GRHL1: variants seen among roughly 807,000 people sequenced by gnomAD.
GRHL1 encodes grainyhead-like protein 1 homolog.
In GRHL1, 38 loss-of-function variants were observed where a neutral mutation model predicts 75.7. The observed-to-expected ratio is 0.50, with a 90% CI of 0.39 to 0.66. The LOEUF (loss-of-function observed/expected upper bound fraction) is 0.66, where lower values mean the gene tolerates loss of function less well. Ranked by LOEUF, GRHL1 falls within the 30% of genes least tolerant of loss-of-function variation. The pLI, the probability that GRHL1 is intolerant of heterozygous loss-of-function variation, is 0.00. For missense variants in GRHL1, 589 were observed against 767.5 expected (o/e 0.77, Z 2.75); for synonymous variants, 266 against 279.4 (o/e 0.95, Z 0.48).
At chr2:9,961,590 A>T (rs1667276796) in intron 4 of GRHL1, among the ~76,000 whole-genome samples, 154 bp downstream of exon 4, 2 of 152,242 alleles carry the variant, frequency 1.3e-5, no homozygotes, top group South Asian at 4.1e-4. Flanking sequence ...CCATGGGTAT[A>T]ATTTGTAAAC....
At chr2:9,955,897 A>G (rs1021114323) in intron 2 of GRHL1, among the ~76,000 whole-genome samples, 1 of 152,220 alleles carries the variant, frequency 6.6e-6, no homozygotes, top group African/African-American at 2.4e-5. Flanking sequence ...GGGGGTGGCT[A>G]CGTCTTTAGG....
chr2:9,963,259 A>AT (rs936902728), intron 5 of GRHL1, among the ~76,000 whole-genome samples: 54 of 152,332 alleles, frequency 3.5e-4, no homozygotes, highest in African/African-American at 1.2e-3. Flanking sequence ...ACCTCTGTAT[A>AT]TTTTTGCAAC....
rs1233219171 is a variant in GRHL1 at position 9,998,474 on chromosome 2, A to G, written c.1678-491A>G. On this transcript the variant is annotated intron_variant, in intron 14 of 15. Transcript: ENST00000324907. ...TATATATATACATATATATACGTAT[A>G]TATATACATATATATACGTATATAT... Among the ~76,000 whole-genome samples the G allele has an allele frequency of 9.3e-4, 32 of 34,460 alleles. 4 individuals carry two copies. The highest frequency in any genetic ancestry group is 3.6e-3 in the African/African-American group (13 of 3,646). The allele number at this position is 34,460 out of a possible 152,430, so 22.6% of individuals were successfully genotyped here.
intron 14 of GRHL1, 101 bp from the exon 15 acceptor site, chr2:9,998,840 ATATATATGTACACATATATATACG>A (rs1164152672): frequency 9.5e-6 from 1 of 104,868 alleles, no homozygotes; most frequent in East Asian, 3.0e-4. Context: ...ATATATACGT[ATATATATGTACACATATATATACG>A]TATATATATG....
intron 5 of GRHL1, 60 bp from the exon 6 acceptor site, chr2:9,963,826 A>T (rs1464088980): frequency 8.7e-7 from 1 of 1,147,518 alleles, no homozygotes; most frequent in African/African-American, 1.6e-5. Flanking sequence ...TTATAATATG[A>T]TGTATAGCAA....
At chr2:9,984,711 C>T (rs1000981027) in intron 8 of GRHL1, among the ~76,000 whole-genome samples, 4 of 152,108 alleles carry the variant, frequency 2.6e-5, no homozygotes, top group Non-Finnish European at 4.4e-5. Context: ...CACATGCTAG[C>T]AGCTGGAGTG....
chr2:9,972,889 C>A (rs543746592), intron 8 of GRHL1, among the ~76,000 whole-genome samples: 2 of 149,228 alleles, frequency 1.3e-5, no homozygotes, highest in South Asian at 4.7e-4. Context: ...TTCTGTCTGT[C>A]TTTTTATCTC....
At chr2:9,979,524 T>A (rs913882900) in intron 8 of GRHL1, among the ~76,000 whole-genome samples, 3 of 152,232 alleles carry the variant, frequency 2.0e-5, no homozygotes, top group Non-Finnish European at 4.4e-5. Flanking sequence ...AGTGCTCAAA[T>A]TTTGAAATTG....
In GRHL1 at chr2:9,986,135, T is replaced by C; in HGVS notation, c.1122T>C (p.Ser374=). Residue 374 remains serine (S), a synonymous_variant, in exon 9 of 16, where the codon TCT becomes TCC. Transcript: ENST00000324907. Reference sequence around the variant, plus strand: ...TCTTCCCTTGGCAGGTTTTCATCTCTGTGAACTGCTTAAGCACAGATTTCT... The same window carrying C: ...TCTTCCCTTGGCAGGTTTTCATCTCCGTGAACTGCTTAAGCACAGATTTCT... ...DINDEAKVFI[S]VNCLSTDFSS... is the part of the protein sequence containing the mutation. 6.2e-7 allele frequency: 1 copy of C among 1,609,822 alleles called. No homozygotes were observed. Among genetic ancestry groups the C allele is most frequent in the Non-Finnish European group, 8.5e-7 (1 of 1,178,192 alleles).
Position 9,995,937 on chromosome 2 carries a change from AC to A in GRHL1, c.1560del (p.Lys521SerfsTer5). 1 of 1,612,532 alleles carries A rather than the reference AC, an allele frequency of 6.2e-7. No homozygotes were observed. ...TEDDFAVPPSTKLARIEEPKR... is the reference protein window; with the variant it reads ...TEDDFAVPPSXKLARIEEPKR... ...AGATGACTTTGCTGTCCCTCCTTCT[AC>A]CAAGCTGGCCCGGATAGAAGAACCA... is the stretch of plus-strand genomic sequence containing the variant. On this transcript the variant is annotated frameshift_variant, in exon 13 of 16. Transcript: ENST00000324907. LOFTEE classifies it high-confidence loss of function.
Position 9,992,004 on chromosome 2 carries a change from C to A in GRHL1, c.1322-3C>A, listed in dbSNP as rs78209604. 1 of 1,498,424 alleles carries A rather than the reference C, an allele frequency of 6.7e-7. No individual in the cohort carries two copies. 92.8% of individuals were successfully genotyped at this position (1,498,424 alleles called of 1,614,324 possible). On this transcript the variant is annotated splice_polypyrimidine_tract_variant and splice_region_variant and intron_variant, in intron 10 of 15. Transcript: ENST00000324907. The surrounding 1 kb of genome is among the most constrained non-coding windows in gnomAD (Gnocchi z 4.6). ...CCTCTTTTTTAATTTTTTTTTTTTTCAGTTTCTGATGTTAAAGTGCCACTG... is the reference window on the plus strand; with the variant it reads ...CCTCTTTTTTAATTTTTTTTTTTTTAAGTTTCTGATGTTAAAGTGCCACTG...
Position 9,998,970 on chromosome 2 carries a change from A to G in GRHL1, c.1683A>G (p.Ser561=). 1 of 1,559,100 alleles carries G rather than the reference A, an allele frequency of 6.4e-7. No individual in the cohort carries two copies. Among genetic ancestry groups the G allele is most frequent in the African/African-American group, 1.4e-5 (1 of 72,148 alleles). ...PSLKGLMEAI[S]DKYDVPHDKI... ...ATTTTTCTTTCCTCTTTTAGATCTC[A>G]GACAAATACGATGTTCCCCATGACA... is the stretch of plus-strand genomic sequence containing the variant. Residue 561 remains serine (S), a synonymous_variant, in exon 15 of 16, where the codon TCA becomes TCG. Coordinates refer to ENST00000324907, the MANE Select transcript of GRHL1 (RefSeq NM_198182.3).
rs758905834 is a variant in GRHL1, at chr2:9,998,983, G to T, written c.1696G>T (p.Val566Phe). The T allele has an allele frequency of 2.2e-5, 34 of 1,574,084 alleles. No individual in the cohort carries two copies. The highest frequency in any genetic ancestry group is 2.8e-5 in the Non-Finnish European group (32 of 1,155,178). Residue 566 changes from valine (V) to phenylalanine (F), a missense_variant, in exon 15 of 16, where the codon GTT (valine) becomes TTT (phenylalanine). By Grantham distance (50) the Val-to-Phe change is conservative (BLOSUM62 -1). Coordinates refer to ENST00000324907, the MANE Select transcript of GRHL1 (RefSeq NM_198182.3). The part of the protein sequence containing the change: ...LMEAISDKYD[V>F]PHDKIGKIFK... ...CTTTTAGATCTCAGACAAATACGAT[G>T]TTCCCCATGACAAGATTGGGAAAAT...
At position 9,987,798 on chromosome 2, in the gene GRHL1, C is replaced by T. The variant is rs1279127060; in HGVS notation, c.1269+1516C>T. Among the ~76,000 whole-genome samples, 1 of 152,144 alleles carries T rather than the reference C, an allele frequency of 6.6e-6. No homozygotes were observed. ...TGCTGGCTCGAAACTGGGGAGCAAC[C>T]GTGGATGAGTGGACATTCCATTGAA... On this transcript the variant is annotated intron_variant, in intron 9 of 15. Transcript: ENST00000324907. The surrounding 1 kb of genome is among the most constrained non-coding windows in gnomAD (Gnocchi z 4.2).
At position 9,986,251 on chromosome 2, in the gene GRHL1, C is replaced by A; in HGVS notation, c.1238C>A (p.Ala413Asp). The change falls in exon 9 of 16, where the codon GCC becomes GAC. Residue 413 changes from alanine to aspartate, a missense_variant. By Grantham distance (126) the Ala-to-Asp change is moderately radical. This residue lies in a region of GRHL1 where 30 missense variants were observed against 40.3 expected (regional missense o/e 0.74). Transcript: ENST00000324907. ...CGCAGCAACAAGCCTGTGCACCGGG[C>A]CTACTGCCAGATCAAGGTCTTCTGT... The part of the protein sequence containing the change: ...NNRSNKPVHR[A>D]YCQIKVFCDK... 6.2e-7 allele frequency: 1 copy of A among 1,613,478 alleles called. No individual in the cohort carries two copies. The highest frequency in any genetic ancestry group is 8.5e-7 in the Non-Finnish European group (1 of 1,179,722).
At chr2:9,964,077 G>T (rs373169773) in intron 6 of GRHL1, 35 bp downstream of exon 6, 33 of 1,586,792 alleles carry the variant, frequency 2.1e-5, no homozygotes, top group Non-Finnish European at 2.8e-5. Context: ...CTCTAGGAAA[G>T]CTAGTCAGAG....
intron 5 of GRHL1, among the ~76,000 whole-genome samples, chr2:9,963,218 A>G (rs1208186421): frequency 6.6e-6 from 1 of 152,234 alleles, no homozygotes; most frequent in Non-Finnish European, 1.5e-5. Context: ...AGACTCAGAG[A>G]GTAAATATTT....
chr2:9,975,066 A>T (rs1667890873), intron 8 of GRHL1, among the ~76,000 whole-genome samples: 1 of 150,986 alleles, frequency 6.6e-6, no homozygotes, highest in Non-Finnish European at 1.5e-5. Context: ...CGCTGTTGTG[A>T]ATGTAAGTGG....
At chr2:9,985,200 ATAG>A (rs1668364311) in intron 8 of GRHL1, among the ~76,000 whole-genome samples, 1 of 152,216 alleles carries the variant, frequency 6.6e-6, no homozygotes, top group Non-Finnish European at 1.5e-5. Context: ...TCATGATTGA[ATAG>A]TAGAACTGTT....
Sources: allele counts gnomAD v4.1 joint callset (sites outside exome capture counted in the v4.1 genomes callset), GRCh38; gene constraint gnomAD v4.1.1; regional missense constraint gnomAD v4.1.1; non-coding constraint Gnocchi (gnomAD v3.1); transcripts MANE v1.5; gene names NCBI Gene and HGNC (gene_info 2026-07-23, HGNC 2026-07-21).